Variants in C2CD2 observed in about 807,000 individuals in gnomAD.
C2CD2 encodes the protein C2 domain-containing protein 2.
In C2CD2, 43 loss-of-function variants were observed where a neutral mutation model predicts 74.3. The ratio of observed to expected loss-of-function variants is 0.58; its 90% CI spans 0.45 to 0.75. The LOEUF is 0.75. C2CD2 is among the 30% of genes least tolerant of loss of function. C2CD2 has a pLI of 0.00. For missense variants in C2CD2, 801 were observed against 916.3 expected (o/e 0.87, Z 1.63); for synonymous variants, 422 against 390.7 (o/e 1.08, Z -0.94).
Position 41,892,599 on chromosome 21 carries a change from A to G in C2CD2, c.1871-3255T>C, listed in dbSNP as rs1264055330. On this transcript the variant is annotated intron_variant, in intron 13 of 13. Transcript: ENST00000380486. This position sits in a 1 kb window ranked among gnomAD's most constrained non-coding sequence, Gnocchi z 4.6. ...CAAACAACAGGCCTCTAAGGACAAC[A>G]GGCGTGCAGGCCCTTCCTGGAGAAT... Among the ~76,000 whole-genome samples, 2 of 152,230 alleles carry G rather than the reference A, an allele frequency of 1.3e-5. No homozygotes were observed. The highest frequency in any genetic ancestry group is 2.9e-5 in the Non-Finnish European group (2 of 68,028).
chr21:41,890,225 T>C (rs1313474452), intron 13 of C2CD2, among the ~76,000 whole-genome samples: 3 of 152,232 alleles, frequency 2.0e-5, no homozygotes, highest in African/African-American at 4.8e-5. Context: ...GGCTATGCCA[T>C]CTGAAGTTTG....
At chr21:41,901,517 CT>C in intron 12 of C2CD2, 104 bp downstream of exon 12, 1 of 1,167,274 alleles carries the variant, frequency 8.6e-7, no homozygotes, top group South Asian at 1.2e-5. Context: ...ATGGAACTCT[CT>C]GGACGTTAAC....
At chr21:41,942,805 TGA>T in intron 1 of C2CD2, 1 of 192,850 alleles carries the variant, frequency 5.2e-6, no homozygotes, top group Non-Finnish European at 9.5e-6. Flanking sequence ...CCCTGGGATC[TGA>T]GAGGGTGGCC....
Position 41,907,117 on chromosome 21 carries a change from G to C in C2CD2, c.1193C>G (p.Pro398Arg), listed in dbSNP as rs376285243. ...GELKSWPIPP[P>R]VPAAKIEKDR... ...CTTTTCTATTTTTGCAGCAGGAACA[G>C]GGGGAGGGATGGGCCAGGATTTCAA... The change falls in exon 10 of 14, where the codon CCT (proline) becomes CGT (arginine). Residue 398 changes from proline (P) to arginine (R), a missense_variant. By Grantham distance (103) the Pro-to-Arg change is moderately radical. Coordinates refer to ENST00000380486, the MANE Select transcript of C2CD2 (RefSeq NM_015500.2). 30 of 1,613,932 alleles carry C rather than the reference G, an allele frequency of 1.9e-5. No individual in the cohort carries two copies. The African/African-American group carries it at 3.9e-4, about 21-fold the overall frequency.
chr21:41,938,167 G>GTATATATA (rs369249753), intron 2 of C2CD2, among the ~76,000 whole-genome samples: 2 of 147,056 alleles, frequency 1.4e-5, no homozygotes, highest in African/African-American at 5.0e-5. Flanking sequence ...TTCCACACGT[G>GTATATATA]TATATATATA....
At chr21:41,893,722 G>T (rs1417234712) in intron 13 of C2CD2, among the ~76,000 whole-genome samples, 12 of 102,732 alleles carry the variant, frequency 1.2e-4, no homozygotes, top group East Asian at 3.2e-4. Context: ...TTTTTTTTGA[G>T]ACGGAGTCTC....
At chr21:41,930,719 A>AG (rs1167804880) in intron 2 of C2CD2, among the ~76,000 whole-genome samples, 3 of 150,160 alleles carry the variant, frequency 2.0e-5, no homozygotes, top group South Asian at 2.1e-4. Context: ...AACAAAAAAA[A>AG]AAAGAAAGAA....
At chr21:41,897,824 G>A (rs975775175) in intron 13 of C2CD2, among the ~76,000 whole-genome samples, 5 of 152,182 alleles carry the variant, frequency 3.3e-5, no homozygotes, top group Non-Finnish European at 5.9e-5. Flanking sequence ...GTGGGCTTTG[G>A]CACCAGGGAC....
chr21:41,894,420 C>T (rs1277436046), intron 13 of C2CD2, among the ~76,000 whole-genome samples: 1 of 152,144 alleles, frequency 6.6e-6, no homozygotes, highest in Non-Finnish European at 1.5e-5. Context: ...ACTAATGGGA[C>T]GGGTGTGTGA....
chr21:41,907,475 T>C (rs1601563430), intron 9 of C2CD2, among the ~76,000 whole-genome samples, 185 bp downstream of exon 9: 1 of 152,206 alleles, frequency 6.6e-6, no homozygotes, highest in Admixed American at 6.5e-5. Context: ...GACAACTCAA[T>C]TGTACAGTGG....
chr21:41,919,104 G>C (rs900728280), intron 3 of C2CD2, 144 bp from the exon 4 acceptor site: 3 of 657,862 alleles, frequency 4.6e-6, no homozygotes, highest in Non-Finnish European at 8.2e-6. Context: ...GAGTGCATGT[G>C]AGTGTGCGTG....
rs748440809 is a variant in C2CD2 at position 41,907,704 on chromosome 21, C to T, written c.1099G>A (p.Gly367Arg). The change falls in exon 9 of 14, where the codon GGG becomes AGG. Residue 367 changes from glycine (G) to arginine (R), a missense_variant. Coordinates refer to ENST00000380486, the MANE Select transcript of C2CD2 (RefSeq NM_015500.2). The stretch of plus-strand genomic sequence containing the variant: ...AGCACCGAGCTGCCGCAGGCAGACC[C>T]GCTGGTCAGCGTGAAGCTCTGTGGC... The part of the protein sequence containing the change: ...SGPQSFTLTS[G>R]SACGSSVLGS... 7.4e-6 allele frequency: 12 copies of T among 1,612,782 alleles called. No individual in the cohort carries two copies. The highest frequency in any genetic ancestry group is 1.0e-5 in the Non-Finnish European group (12 of 1,179,804).
chr21:41,912,156 C>T (rs536237987), intron 7 of C2CD2, 176 bp downstream of exon 7: 10 of 548,676 alleles, frequency 1.8e-5, no homozygotes, highest in Non-Finnish European at 3.2e-5. Flanking sequence ...GCTGCCTTTA[C>T]AACAAAACCC....
rs2065179108 is a variant in C2CD2, at chr21:41,923,654, A to G, written c.379-1569T>C. 6.6e-6 allele frequency among the ~76,000 whole-genome samples: 1 copy of G among 152,232 alleles called. No individual in the cohort carries two copies. Among genetic ancestry groups the G allele is most frequent in the African/African-American group, 2.4e-5 (1 of 41,462 alleles). ...AAGAAACTGTCAGACAGAGAAAGAT[A>G]ATAACCTCAGGAATAAACCAAACTG... On this transcript the variant is annotated intron_variant, in intron 2 of 13. Coordinates refer to ENST00000380486, the MANE Select transcript of C2CD2 (RefSeq NM_015500.2). This position sits in a 1 kb window ranked among gnomAD's most constrained non-coding sequence, Gnocchi z 5.8.
At chr21:41,944,471 G>A (rs1251247030) in intron 1 of C2CD2, among the ~76,000 whole-genome samples, 4 of 136,306 alleles carry the variant, frequency 2.9e-5, no homozygotes, top group Admixed American at 1.7e-4. Flanking sequence ...GCAGTGAGCC[G>A]AGATCATGCC....
intron 2 of C2CD2, among the ~76,000 whole-genome samples, chr21:41,934,691 G>A (rs1052570244): frequency 6.6e-6 from 1 of 152,202 alleles, no homozygotes; most frequent in Non-Finnish European, 1.5e-5. Context: ...TCCATGTGCT[G>A]TACCTGTGGT....
chr21:41,934,280 A>G (rs2065287588), intron 2 of C2CD2, among the ~76,000 whole-genome samples: 1 of 152,098 alleles, frequency 6.6e-6, no homozygotes, highest in Non-Finnish European at 1.5e-5. Flanking sequence ...AAATAAAAAA[A>G]CTAGCCGGGC....
rs71319914 is a variant in C2CD2, at chr21:41,912,493, ATT to A, written c.845-55_845-54del. 3,181 of 590,566 alleles carry A rather than the reference ATT, an allele frequency of 5.4e-3. 6 individuals are homozygous for A. The highest frequency in any genetic ancestry group is 0.02 in the African/African-American group (751 of 38,170). The allele number at this position is 590,566 out of a possible 1,614,324, so 36.6% of individuals were successfully genotyped here. A position where few individuals can be genotyped will look rare whatever the true frequency, so the allele number is the denominator to read the frequency against. On this transcript the variant is annotated intron_variant, in intron 6 of 13. Transcript: ENST00000380486. ...TGGCGTTTATTTTTATTATTTATTT[ATT>A]TTTTTTTTTTTTTGAGACAGAGTCT...
chr21:41,951,121 C>A (rs2065447232), intron 1 of C2CD2, among the ~76,000 whole-genome samples: 1 of 152,136 alleles, frequency 6.6e-6, no homozygotes, highest in Admixed American at 6.5e-5. Context: ...ACAGCGATGG[C>A]CCAGGATGCT....
Sources: allele counts gnomAD v4.1 joint callset (sites outside exome capture counted in the v4.1 genomes callset), GRCh38; gene constraint gnomAD v4.1.1; non-coding constraint Gnocchi (gnomAD v3.1); transcripts MANE v1.5; gene names NCBI Gene and HGNC (gene_info 2026-07-23, HGNC 2026-07-21).